The following C12orf56 variants were observed in gnomAD, a reference collection of about 807,000 sequenced individuals.
C12orf56 encodes chromosome 12 open reading frame 56.
C12orf56 carries 71 observed loss-of-function variants against 69.9 expected under a neutral mutation model. The observed-to-expected ratio is 1.02, with a 90% CI of 0.84 to 1.24. The LOEUF is 1.24. C12orf56 is among the 50% of genes most tolerant of loss of function. The pLI is 0.00. For missense variants in C12orf56, 732 were observed against 738.5 expected, an observed-to-expected ratio of 0.99 and a Z score of 0.10; for synonymous variants, 276 against 274.1, an observed-to-expected ratio of 1.01 and a Z score of -0.07.
In C12orf56 at chr12:64,266,649, C is replaced by A. The variant is rs529139611; in HGVS notation, c.*534G>T. On this transcript the variant is annotated 3_prime_UTR_variant, in exon 13 of 13. Transcript: ENST00000543942. ...AGTACAGAATCGGGTGAAGAGCATGCTCCTGTGCCTGGCATGGTTTCACCG... is the reference window on the plus strand; with the variant it reads ...AGTACAGAATCGGGTGAAGAGCATGATCCTGTGCCTGGCATGGTTTCACCG... The A allele has an allele frequency of 3.4e-6, 3 of 871,682 alleles. No individual in the cohort carries two copies. The highest frequency in any genetic ancestry group is 1.7e-5 in the African/African-American group (1 of 57,150). The allele number at this position is 871,682 out of a possible 1,614,324, so 54.0% of individuals were successfully genotyped here. A position where few individuals can be genotyped will look rare whatever the true frequency, so the allele number is the denominator to read the frequency against.
chr12:64,388,137 G>A (rs7132456), intron 1 of C12orf56, among the ~76,000 whole-genome samples: 5 of 151,934 alleles, frequency 3.3e-5, no homozygotes, highest in East Asian at 2.0e-4. Flanking sequence ...ACCCAGTGGC[G>A]CATTGGCCCA....
At chr12:64,386,696 A>G (rs2039795667) in intron 1 of C12orf56, among the ~76,000 whole-genome samples, 1 of 151,738 alleles carries the variant, frequency 6.6e-6, no homozygotes, top group Admixed American at 6.6e-5. Flanking sequence ...GTACCTGGCC[A>G]ATTTTTATAT....
At chr12:64,389,648 G>A (rs984419468) in intron 1 of C12orf56, among the ~76,000 whole-genome samples, 2 of 151,950 alleles carry the variant, frequency 1.3e-5, no homozygotes, top group Non-Finnish European at 2.9e-5. Flanking sequence ...AGGTGCACAC[G>A]ACCACGCCTG....
At chr12:64,289,146 C>CT (rs2038251963) in intron 6 of C12orf56, among the ~76,000 whole-genome samples, 1 of 125,220 alleles carries the variant, frequency 8.0e-6, no homozygotes, top group South Asian at 2.9e-4. Flanking sequence ...ATTTGGCTCT[C>CT]TGTTTGTCTG....
chr12:64,359,049 CT>C (rs144527811), intron 1 of C12orf56, among the ~76,000 whole-genome samples: 1,586 of 152,298 alleles, frequency 0.01, 14 homozygotes, highest in Non-Finnish European at 0.017. Flanking sequence ...ACAGGAAGCA[CT>C]TTTTGACCTT....
chr12:64,318,569 A>G lies in C12orf56; in HGVS notation c.894+6T>C. 1 of 1,517,992 alleles carries G rather than the reference A, an allele frequency of 6.6e-7. No homozygotes were observed. The highest frequency in any genetic ancestry group is 8.8e-7 in the Non-Finnish European group (1 of 1,135,652). The allele number at this position is 1,517,992 out of a possible 1,614,324, so 94.0% of individuals were successfully genotyped here. A position where few individuals can be genotyped will look rare whatever the true frequency, so the allele number is the denominator to read the frequency against. ...CAGGTTAAGGTTAACTTAGGAGGAC[A>G]CTTACTATAATATAATTGTTCCATG... is the stretch of plus-strand genomic sequence containing the variant. On this transcript the variant is annotated splice_donor_region_variant and intron_variant, in intron 4 of 12. Coordinates refer to ENST00000543942, the MANE Select transcript of C12orf56 (RefSeq NM_001170633.2).
At chr12:64,310,784 A>G (rs962698847) in intron 5 of C12orf56, among the ~76,000 whole-genome samples, 6 of 151,356 alleles carry the variant, frequency 4.0e-5, no homozygotes, top group Non-Finnish European at 7.4e-5. Flanking sequence ...TTTGTTACAT[A>G]TGTATACATG....
chr12:64,313,248 C>A, intron 4 of C12orf56, among the ~76,000 whole-genome samples: 1 of 50,082 alleles, frequency 2.0e-5, no homozygotes. Context: ...TGCAACAGAG[C>A]GAGACTCTGT....
intron 6 of C12orf56, among the ~76,000 whole-genome samples, chr12:64,302,756 A>G (rs1157274056): frequency 6.6e-6 from 1 of 152,030 alleles, no homozygotes; most frequent in Non-Finnish European, 1.5e-5. Context: ...CCTCCCCAGG[A>G]CTCACATTTT....
chr12:64,308,932 G>GAAAA (rs869227675), intron 5 of C12orf56, among the ~76,000 whole-genome samples: 1 of 32,654 alleles, frequency 3.1e-5, no homozygotes, highest in Non-Finnish European at 6.9e-5. Flanking sequence ...AAGAAAGAAA[G>GAAAA]AAAGAAAGAA....
chr12:64,286,795 TG>T (rs1253778011), intron 6 of C12orf56, among the ~76,000 whole-genome samples: 2 of 152,192 alleles, frequency 1.3e-5, no homozygotes, highest in Admixed American at 1.3e-4. Context: ...TTAGGCTTTT[TG>T]TTTAGAAAGT....
chr12:64,277,546 G>T (rs2038067218), intron 9 of C12orf56, 134 bp downstream of exon 9: 2 of 546,978 alleles, frequency 3.7e-6, no homozygotes, highest in Non-Finnish European at 5.2e-6. Context: ...AAGTTTTGAG[G>T]TTAATGACAA....
intron 1 of C12orf56, among the ~76,000 whole-genome samples, chr12:64,366,381 AACAT>A: frequency 1.0e-5 from 1 of 95,902 alleles, no homozygotes; most frequent in East Asian, 2.9e-4. Flanking sequence ...TATTATATAT[AACAT>A]ACAGTTTATA....
At chr12:64,295,201 A>G (rs1462329057) in intron 6 of C12orf56, among the ~76,000 whole-genome samples, 2 of 152,212 alleles carry the variant, frequency 1.3e-5, no homozygotes, top group African/African-American at 4.8e-5. Flanking sequence ...TAAACTAGAA[A>G]AAGAACATAG....
intron 2 of C12orf56, among the ~76,000 whole-genome samples, chr12:64,342,927 A>G (rs1259390857): frequency 6.6e-6 from 1 of 152,222 alleles, no homozygotes; most frequent in African/African-American, 2.4e-5. Flanking sequence ...CTGCCAGGTC[A>G]TATGGCCCAA....
rs555804856 is a variant in C12orf56, at chr12:64,354,144, C to T, written c.253-1088G>A. 1.3e-5 allele frequency among the ~76,000 whole-genome samples: 2 copies of T among 152,312 alleles called. 1 individual carries two copies. Among genetic ancestry groups the T allele is most frequent in the African/African-American group, 4.8e-5 (2 of 41,562 alleles). ...TCTAGGTTTGAACTACTGGAAATGT[C>T]CTTCTCTCCAACGTGCTCTGTTCTC... On this transcript the variant is annotated intron_variant, in intron 1 of 12. Coordinates refer to ENST00000543942, the MANE Select transcript of C12orf56 (RefSeq NM_001170633.2).
At chr12:64,360,034 G>T (rs1283829343) in intron 1 of C12orf56, among the ~76,000 whole-genome samples, 1 of 152,108 alleles carries the variant, frequency 6.6e-6, no homozygotes, top group African/African-American at 2.4e-5. Flanking sequence ...TCTTTAAAGG[G>T]ACAAAGCTGA....
chr12:64,329,035 A>G lies in C12orf56; in HGVS notation c.488+1925T>C, dbSNP rs865942469. On this transcript the variant is annotated intron_variant, in intron 3 of 12. Transcript: ENST00000543942. ...AGCAGAGATCACACCACTGCACCCC[A>G]GCCTGGGTGACAGAGCGAGACTCAG... Among the ~76,000 whole-genome samples, 6 of 151,938 alleles carry G rather than the reference A, an allele frequency of 3.9e-5. 1 individual carries two copies. The highest frequency in any genetic ancestry group is 1.2e-4 in the African/African-American group (5 of 41,472).
At chr12:64,331,238 C>T (rs1313222531) in intron 2 of C12orf56, among the ~76,000 whole-genome samples, 1 of 152,134 alleles carries the variant, frequency 6.6e-6, no homozygotes, top group Non-Finnish European at 1.5e-5. Flanking sequence ...CGGTGGCTCA[C>T]ACCTGTAATC....
Sources: allele counts gnomAD v4.1 joint callset (sites outside exome capture counted in the v4.1 genomes callset), GRCh38; gene constraint gnomAD v4.1.1; transcripts MANE v1.5; gene names NCBI Gene and HGNC (gene_info 2026-07-23, HGNC 2026-07-21).